Variants in SNTB1 observed in about 807,000 individuals in gnomAD.
The protein encoded by SNTB1 is syntrophin beta 1.
In SNTB1, 36 loss-of-function variants were observed where a neutral mutation model predicts 48.9. The observed-to-expected ratio is 0.74, with a 90% CI of 0.56 to 0.97. The LOEUF (loss-of-function observed/expected upper bound fraction) is 0.97, where lower values mean the gene tolerates loss of function less well. SNTB1 is among the 50% of genes least tolerant of loss of function. The pLI is 0.00. For missense variants in SNTB1, 786 were observed against 703.4 expected, an observed-to-expected ratio of 1.12 and a Z score of -1.33; for synonymous variants, 299 against 294.6, an observed-to-expected ratio of 1.01 and a Z score of -0.15.
chr8:120,658,626 C>T (rs1563844007), intron 2 of SNTB1, among the ~76,000 whole-genome samples: 2 of 152,322 alleles, frequency 1.3e-5, no homozygotes, highest in East Asian at 3.9e-4. Context: ...AATGTACACA[C>T]TTTAACTTAA....
intron 6 of SNTB1, among the ~76,000 whole-genome samples, chr8:120,539,392 ATTC>A (rs1213123127): frequency 1.3e-5 from 2 of 152,202 alleles, no homozygotes; most frequent in African/African-American, 2.4e-5. Context: ...GTCTCTTAAA[ATTC>A]TTCTCAGTCC....
At chr8:120,597,801 G>C (rs949570349) in intron 3 of SNTB1, among the ~76,000 whole-genome samples, 3 of 152,290 alleles carry the variant, frequency 2.0e-5, no homozygotes, top group South Asian at 2.1e-4. Context: ...CCCCGGCCAG[G>C]GATGAATCAG....
At chr8:120,550,869 A>G (rs1282651011) in intron 4 of SNTB1, among the ~76,000 whole-genome samples, 1 of 152,198 alleles carries the variant, frequency 6.6e-6, no homozygotes, top group African/African-American at 2.4e-5. Flanking sequence ...AGGAGCAAAA[A>G]TGTATACTGT....
At chr8:120,546,756 C>A (rs934261612) in intron 5 of SNTB1, among the ~76,000 whole-genome samples, 2 of 152,178 alleles carry the variant, frequency 1.3e-5, no homozygotes, top group Non-Finnish European at 2.9e-5. Context: ...AGGCGTGAGC[C>A]ACCACACCGG....
At chr8:120,595,451 A>G (rs2130712372) in intron 3 of SNTB1, among the ~76,000 whole-genome samples, 1 of 151,748 alleles carries the variant, frequency 6.6e-6, no homozygotes, top group African/African-American at 2.4e-5. Flanking sequence ...GTTACCCTAT[A>G]TGGTCTAAAA....
intron 2 of SNTB1, among the ~76,000 whole-genome samples, chr8:120,650,881 C>G (rs576458173): frequency 6.6e-6 from 1 of 152,286 alleles, no homozygotes; most frequent in South Asian, 2.1e-4. Flanking sequence ...GGCTTTATGA[C>G]TTTCAGATTG....
chr8:120,805,676 T>C (rs1820323900), intron 1 of SNTB1, among the ~76,000 whole-genome samples: 1 of 152,242 alleles, frequency 6.6e-6, no homozygotes, highest in Admixed American at 6.5e-5. Flanking sequence ...ATGTGTGTTG[T>C]TTTAATTTAC....
At chr8:120,708,958 C>T (rs1818419431) in intron 1 of SNTB1, among the ~76,000 whole-genome samples, 1 of 152,086 alleles carries the variant, frequency 6.6e-6, no homozygotes, top group Non-Finnish European at 1.5e-5. Context: ...TATAATGTTG[C>T]ACTGGAAGTC....
At chr8:120,740,318 C>T (rs1170206414) in intron 1 of SNTB1, among the ~76,000 whole-genome samples, 1 of 152,164 alleles carries the variant, frequency 6.6e-6, no homozygotes, top group Non-Finnish European at 1.5e-5. Context: ...TGGCATCTTT[C>T]GTCTAGAGTA....
chr8:120,620,454 G>A (rs770977003), intron 3 of SNTB1, among the ~76,000 whole-genome samples: 1 of 152,108 alleles, frequency 6.6e-6, no homozygotes, highest in Non-Finnish European at 1.5e-5. Flanking sequence ...TCCATGCAAA[G>A]CCCCTGCTCT....
intron 1 of SNTB1, among the ~76,000 whole-genome samples, chr8:120,717,415 A>G (rs745790754): frequency 6.6e-6 from 1 of 152,226 alleles, no homozygotes; most frequent in Non-Finnish European, 1.5e-5. Context: ...AGCTGAAGGA[A>G]TGCTTGGGTG....
chr8:120,647,601 T>C (rs1279382365), intron 2 of SNTB1, among the ~76,000 whole-genome samples: 17 of 147,028 alleles, frequency 1.2e-4, no homozygotes, highest in African/African-American at 4.3e-4. Context: ...TGGTCAATTT[T>C]GGAATAGGTG....
chr8:120,707,985 C>A (rs1038765125), intron 1 of SNTB1, among the ~76,000 whole-genome samples: 2 of 151,668 alleles, frequency 1.3e-5, no homozygotes, highest in African/African-American at 2.4e-5. Flanking sequence ...AAGAAAAAAT[C>A]TAAAGGTCAT....
intron 3 of SNTB1, among the ~76,000 whole-genome samples, chr8:120,592,184 ATT>A (rs35239154): frequency 6.7e-6 from 1 of 149,066 alleles, no homozygotes; most frequent in African/African-American, 2.5e-5. Flanking sequence ...AATAAGCAGA[ATT>A]TTTTTTTTTC....
intron 1 of SNTB1, among the ~76,000 whole-genome samples, chr8:120,731,262 G>T (rs989504304): frequency 1.3e-5 from 2 of 152,120 alleles, no homozygotes; most frequent in Non-Finnish European, 2.9e-5. Context: ...GCTTGCTCAA[G>T]AGGAAAGAAA....
intron 1 of SNTB1, among the ~76,000 whole-genome samples, chr8:120,787,710 T>C (rs1819947238): frequency 6.6e-6 from 1 of 151,942 alleles, no homozygotes; most frequent in Non-Finnish European, 1.5e-5. Context: ...ATGAATAAAG[T>C]CTCTAAGAAA....
At chr8:120,578,902 C>T (rs973872574) in intron 3 of SNTB1, among the ~76,000 whole-genome samples, 3 of 152,072 alleles carry the variant, frequency 2.0e-5, no homozygotes, top group African/African-American at 7.2e-5. Flanking sequence ...ATTGGACGGG[C>T]GAGGTAGCTC....
intron 1 of SNTB1, among the ~76,000 whole-genome samples, chr8:120,702,134 A>G (rs990160129): frequency 1.3e-5 from 2 of 152,202 alleles, no homozygotes; most frequent in African/African-American, 4.8e-5. Flanking sequence ...GGCCCTGAGT[A>G]TTGGAATAGT....
chr8:120,699,459 C>G (rs1818267947), intron 1 of SNTB1, among the ~76,000 whole-genome samples: 1 of 152,054 alleles, frequency 6.6e-6, no homozygotes, highest in East Asian at 1.9e-4. Flanking sequence ...TCTGGGACCT[C>G]CCCCTTCTCT....
Sources: allele counts gnomAD v4.1 joint callset (sites outside exome capture counted in the v4.1 genomes callset), GRCh38; gene constraint gnomAD v4.1.1; transcripts MANE v1.5; gene names NCBI Gene and HGNC (gene_info 2026-07-23, HGNC 2026-07-21).